DPP10: variants seen among roughly 807,000 people sequenced by gnomAD.
The protein encoded by DPP10 is dipeptidyl peptidase like 10.
DPP10 carries 33 observed loss-of-function variants against 120.9 expected under a neutral mutation model. The observed-to-expected ratio is 0.27, with a 90% CI of 0.21 to 0.37. The LOEUF is 0.37. Ranked by LOEUF, DPP10 falls within the 10% of genes least tolerant of loss-of-function variation. DPP10 has a pLI of 1.00. For missense variants in DPP10, 816 were observed against 942.8 expected (o/e 0.87, Z 1.76); for synonymous variants, 337 against 326.1 (o/e 1.03, Z -0.36).
chr2:114,767,734 C>G (rs898714672), intron 1 of DPP10, among the ~76,000 whole-genome samples: 4 of 152,082 alleles, frequency 2.6e-5, no homozygotes, highest in African/African-American at 9.7e-5. Flanking sequence ...TAATACTCAC[C>G]ATGTGATTCC....
In DPP10 at chr2:115,836,148, C is replaced by A; in HGVS notation, c.1951-9C>A. 2 of 1,464,058 alleles carry A rather than the reference C, an allele frequency of 1.4e-6. No individual in the cohort carries two copies. The highest frequency in any genetic ancestry group is 1.8e-6 in the Non-Finnish European group (2 of 1,090,350). The allele number at this position is 1,464,058 out of a possible 1,614,324, so 90.7% of individuals were successfully genotyped here. A position where few individuals can be genotyped will look rare whatever the true frequency, so the allele number is the denominator to read the frequency against. On this transcript the variant is annotated splice_polypyrimidine_tract_variant and intron_variant, in intron 21 of 25. Transcript: ENST00000410059. ...TATATATATATATATATATATTTTT[C>A]CCCCCCAGGGTTATGGTGGCTATAT...
chr2:115,235,586 G>A (rs937726193), intron 1 of DPP10, among the ~76,000 whole-genome samples: 1 of 151,830 alleles, frequency 6.6e-6, no homozygotes, highest in African/African-American at 2.4e-5. Context: ...TGTGGAGACC[G>A]AGTCTCACTC....
At chr2:114,630,124 C>T (rs1414583336) in intron 1 of DPP10, among the ~76,000 whole-genome samples, 2 of 152,052 alleles carry the variant, frequency 1.3e-5, no homozygotes, top group East Asian at 3.9e-4. Context: ...CTGAGATGAT[C>T]GTTTTTTCTC....
chr2:115,406,718 A>C (rs1414246889), intron 3 of DPP10, among the ~76,000 whole-genome samples: 2 of 152,192 alleles, frequency 1.3e-5, no homozygotes, highest in Non-Finnish European at 2.9e-5. Flanking sequence ...TAATTAAAAA[A>C]AGGTCAACAC....
chr2:114,946,489 A>G (rs916821358), intron 1 of DPP10, among the ~76,000 whole-genome samples: 2 of 152,184 alleles, frequency 1.3e-5, no homozygotes, highest in Non-Finnish European at 2.9e-5. Context: ...TTCTTCCACA[A>G]TTAAAACTAA....
intron 1 of DPP10, chr2:114,461,677 C>G: frequency 1.0e-6 from 1 of 985,342 alleles, no homozygotes; most frequent in Non-Finnish European, 1.2e-6. Context: ...GAGACAAATA[C>G]TTGCTTTTCA....
intron 3 of DPP10, among the ~76,000 whole-genome samples, chr2:115,373,911 T>C (rs2065598421): frequency 6.7e-6 from 1 of 149,950 alleles, no homozygotes; most frequent in South Asian, 2.1e-4. Flanking sequence ...GAGAGTGAAA[T>C]GGGGCATGCC....
rs763396117 is a variant in DPP10 at position 115,368,333 on chromosome 2, AG to A, written c.271+24423del. On this transcript the variant is annotated intron_variant, in intron 3 of 25. Coordinates refer to ENST00000410059, the MANE Select transcript of DPP10 (RefSeq NM_020868.6). ...CCATTGTGAAATCTCCAGGGAGTCC[AG>A]GAGCACAGGATAGAAACCATGACAT... 6.3e-4 allele frequency among the ~76,000 whole-genome samples: 96 copies of A among 152,232 alleles called. 1 individual carries two copies. Among genetic ancestry groups the A allele is most frequent in the Non-Finnish European group, 1.3e-3 (89 of 67,974 alleles).
intron 1 of DPP10, among the ~76,000 whole-genome samples, chr2:114,533,811 A>G: frequency 6.6e-6 from 1 of 152,176 alleles, no homozygotes; most frequent in East Asian, 1.9e-4. Flanking sequence ...ATTGTTGAGA[A>G]ACCTGATGCC....
At chr2:114,901,839 T>G (rs976657691) in intron 1 of DPP10, among the ~76,000 whole-genome samples, 6 of 152,178 alleles carry the variant, frequency 3.9e-5, no homozygotes, top group African/African-American at 1.4e-4. Context: ...AACATGGCTT[T>G]ACCAGTACTG....
intron 1 of DPP10, among the ~76,000 whole-genome samples, chr2:115,030,926 G>A (rs1296478905): frequency 6.6e-6 from 1 of 152,152 alleles, no homozygotes; most frequent in Non-Finnish European, 1.5e-5. Context: ...CCCATAGAAT[G>A]TAAGGAATTA....
At chr2:115,200,851 C>T (rs1471189642) in intron 1 of DPP10, among the ~76,000 whole-genome samples, 1 of 152,152 alleles carries the variant, frequency 6.6e-6, no homozygotes, top group Non-Finnish European at 1.5e-5. Context: ...TACTGAGTAT[C>T]TTGCTTAACA....
intron 1 of DPP10, among the ~76,000 whole-genome samples, chr2:114,763,597 C>A (rs1184881599): frequency 4.6e-5 from 7 of 152,006 alleles, no homozygotes; most frequent in African/African-American, 1.7e-4. Flanking sequence ...AAGGAGACTT[C>A]GTGGTCTATT....
intron 1 of DPP10, among the ~76,000 whole-genome samples, chr2:114,778,619 C>T (rs1681981790): frequency 6.6e-6 from 1 of 151,862 alleles, no homozygotes. Context: ...GTTAATCTGA[C>T]CGGCAGATAA....
chr2:114,885,036 C>T (rs1482148240), intron 1 of DPP10, among the ~76,000 whole-genome samples: 1 of 152,152 alleles, frequency 6.6e-6, no homozygotes, highest in Non-Finnish European at 1.5e-5. Flanking sequence ...ACGTATATTC[C>T]CCACAGGTGG....
In DPP10 at chr2:115,674,242, G is replaced by GTAAATAAA. The variant is rs35526958; in HGVS notation, c.442-15424_442-15417dup. ...CTCCATCTCACAAAAAAATAAATGA[G>GTAAATAAA]TAAATAAATAAATAAATAAATAAAT... On this transcript the variant is annotated intron_variant, in intron 5 of 25. Transcript: ENST00000410059. Among the ~76,000 whole-genome samples, 741 of 148,998 alleles carry GTAAATAAA rather than the reference G, an allele frequency of 5.0e-3. 4 individuals carry two copies. Among genetic ancestry groups the GTAAATAAA allele is most frequent in the African/African-American group, 0.012 (480 of 40,586 alleles).
chr2:114,626,495 A>G (rs113420225), intron 1 of DPP10, among the ~76,000 whole-genome samples: 1,602 of 152,164 alleles, frequency 0.011, 40 homozygotes, highest in African/African-American at 0.037. Context: ...TTGAGACATG[A>G]AAAATGTTGG....
At chr2:114,752,859 C>G (rs553485047) in intron 1 of DPP10, among the ~76,000 whole-genome samples, 3 of 152,304 alleles carry the variant, frequency 2.0e-5, no homozygotes, top group East Asian at 3.9e-4. Flanking sequence ...GCTGATGAAG[C>G]TGAAATGGGG....
intron 1 of DPP10, among the ~76,000 whole-genome samples, chr2:114,591,578 G>T: frequency 1.9e-5 from 2 of 103,716 alleles, no homozygotes; most frequent in African/African-American, 9.6e-5. Flanking sequence ...TTTTTGAGAT[G>T]GAGTCTTGCT....
Sources: allele counts gnomAD v4.1 joint callset (sites outside exome capture counted in the v4.1 genomes callset), GRCh38; gene constraint gnomAD v4.1.1; transcripts MANE v1.5; gene names NCBI Gene and HGNC (gene_info 2026-07-23, HGNC 2026-07-21).